Variants in ASIC2 observed in about 807,000 individuals in gnomAD.
ASIC2 encodes the protein acid-sensing ion channel 2.
A neutral mutation model predicts 57.3 loss-of-function variants in ASIC2; 25 were observed. The observed-to-expected ratio is 0.44, with a 90% CI of 0.32 to 0.61. The LOEUF is 0.61. Ranked by LOEUF, ASIC2 falls within the 20% of genes least tolerant of loss-of-function variation. The probability of loss-of-function intolerance (pLI) is 0.06; values close to 1 mark genes in which losing one functional copy is unlikely to be tolerated. For synonymous variants in ASIC2, 319 were observed against 307.5 expected, an observed-to-expected ratio of 1.04 and a Z score of -0.39; for missense variants, 641 against 738.1, an observed-to-expected ratio of 0.87 and a Z score of 1.52.
At chr17:33,199,234 A>G (rs1353177677) in intron 1 of ASIC2, among the ~76,000 whole-genome samples, 1 of 152,204 alleles carries the variant, frequency 6.6e-6, no homozygotes, top group Admixed American at 6.5e-5. Context: ...CTTCCTGCTA[A>G]TAAAATGAGC....
intron 1 of ASIC2, among the ~76,000 whole-genome samples, chr17:33,567,882 C>A (rs1916293648): frequency 6.6e-6 from 1 of 152,038 alleles, no homozygotes; most frequent in Non-Finnish European, 1.5e-5. Flanking sequence ...CTCTCCCCCA[C>A]TCTACATAGC....
chr17:33,498,257 A>T (rs905482086), intron 1 of ASIC2, among the ~76,000 whole-genome samples: 6 of 152,242 alleles, frequency 3.9e-5, no homozygotes. Context: ...CTGTTGAGCA[A>T]TAATCCAAAG....
chr17:33,118,019 G>A (rs2092287622), intron 1 of ASIC2, among the ~76,000 whole-genome samples: 1 of 152,122 alleles, frequency 6.6e-6, no homozygotes, highest in South Asian at 2.1e-4. Context: ...GGAAGCCCAG[G>A]GTAGCCAATG....
In ASIC2 at chr17:34,028,439, C is replaced by T. The variant is rs757686851; in HGVS notation, c.555+127539G>A. On this transcript the variant is annotated intron_variant, in intron 1 of 9. Transcript: ENST00000359872. ...ACTATATTAGTTGCTATGGTTGACA[C>T]AAACCTGAGCTCCACACTCAAATGA... 2.1e-4 allele frequency among the ~76,000 whole-genome samples: 32 copies of T among 152,176 alleles called. 1 individual carries two copies. The highest frequency in any genetic ancestry group is 1.5e-4 in the Non-Finnish European group (10 of 68,020).
chr17:33,287,806 T>C (rs115173813), intron 1 of ASIC2, among the ~76,000 whole-genome samples: 1,828 of 152,316 alleles, frequency 0.012, 36 homozygotes, highest in African/African-American at 0.041. Context: ...CCTGTTGCTC[T>C]AGTCCTCTTA....
intron 1 of ASIC2, among the ~76,000 whole-genome samples, chr17:33,410,527 T>C (rs1310213963): frequency 3.3e-5 from 5 of 152,162 alleles, no homozygotes; most frequent in Non-Finnish European, 7.4e-5. Flanking sequence ...TCAAGCCCCC[T>C]CGGTAAGCTG....
rs1436757649 is a variant in ASIC2 at position 33,138,249 on chromosome 17, C to CCCTTCCA, written c.709-26189_709-26183dup. ...AGGTGGGAGAGCCTATGTCAAATGT[C>CCCTTCCA]CCTTCCATGAGCCACTGCTTCAGGA... is the stretch of plus-strand genomic sequence containing the variant. On this transcript the variant is annotated intron_variant, in intron 1 of 9. Transcript: ENST00000225823. Among the ~76,000 whole-genome samples the CCCTTCCA allele has an allele frequency of 3.3e-5, 5 of 152,264 alleles. No individual in the cohort carries two copies. The East Asian group carries it at 9.7e-4, about 29-fold the overall frequency.
chr17:33,714,473 T>C (rs1441746063), intron 1 of ASIC2, among the ~76,000 whole-genome samples: 1 of 152,164 alleles, frequency 6.6e-6, no homozygotes, highest in Non-Finnish European at 1.5e-5. Context: ...TTGAAAACCA[T>C]GCTGAGTGAA....
In ASIC2 at chr17:33,898,757, G is replaced by A. The variant is rs779139795; in HGVS notation, c.555+257221C>T. Among the ~76,000 whole-genome samples the A allele has an allele frequency of 5.3e-5, 8 of 151,854 alleles. No homozygotes were observed. In the South Asian group the frequency reaches 8.3e-4, roughly 16 times the overall value. On this transcript the variant is annotated intron_variant, in intron 1 of 9. Transcript: ENST00000359872. ...ATATGTGACCACTTTGCATTCTTTC[G>A]TTGTCTTTCATGATCTTGGCAATTT...
chr17:33,180,253 A>G (rs915742447), intron 1 of ASIC2, among the ~76,000 whole-genome samples: 1 of 152,234 alleles, frequency 6.6e-6, no homozygotes, highest in African/African-American at 2.4e-5. Flanking sequence ...TGAGCATTCC[A>G]GTTGCATTCA....
At chr17:33,859,276 G>C (rs569591480) in intron 1 of ASIC2, among the ~76,000 whole-genome samples, 1 of 152,298 alleles carries the variant, frequency 6.6e-6, no homozygotes, top group South Asian at 2.1e-4. Context: ...AGAAGCTATA[G>C]CCTCAATTCC....
chr17:33,372,116 T>C (rs1909090716), intron 1 of ASIC2, among the ~76,000 whole-genome samples: 1 of 151,984 alleles, frequency 6.6e-6, no homozygotes, highest in Non-Finnish European at 1.5e-5. Context: ...CTAGATGAAA[T>C]GGCATAGGGG....
intron 1 of ASIC2, chr17:34,039,566 T>G: frequency 1.2e-6 from 2 of 1,613,956 alleles, no homozygotes; most frequent in Non-Finnish European, 1.7e-6. Flanking sequence ...GGTGGAACAC[T>G]TCTGCCAGGG....
At chr17:33,517,986 G>C (rs945874669) in intron 1 of ASIC2, among the ~76,000 whole-genome samples, 1 of 152,216 alleles carries the variant, frequency 6.6e-6, no homozygotes, top group Non-Finnish European at 1.5e-5. Context: ...TGCATGCTGG[G>C]AGCTGGCCTG....
chr17:34,011,121 T>TCTCTCTCTCTCACACACACACACACA (rs1906738171), intron 1 of ASIC2, among the ~76,000 whole-genome samples: 1 of 1,338 alleles, frequency 7.5e-4, no homozygotes, highest in Admixed American at 6.9e-3. Context: ...ATGCCTTGAG[T>TCTCTCTCTCTCACACACACACACACA]CAGACACAGG....
intron 1 of ASIC2, among the ~76,000 whole-genome samples, chr17:34,108,420 GTATAGTT>G (rs1161611426): frequency 1.6e-4 from 24 of 152,180 alleles, no homozygotes; most frequent in Admixed American, 1.3e-3. Flanking sequence ...GTTTATAAAT[GTATAGTT>G]TAATTTCAAA....
chr17:33,584,603 G>A (rs1191122023), intron 1 of ASIC2, among the ~76,000 whole-genome samples: 4 of 152,094 alleles, frequency 2.6e-5, no homozygotes, highest in Admixed American at 2.0e-4. Flanking sequence ...TGTACCTGGA[G>A]CAGCCAACCA....
At chr17:33,871,254 G>A (rs922813011) in intron 1 of ASIC2, among the ~76,000 whole-genome samples, 6 of 152,186 alleles carry the variant, frequency 3.9e-5, no homozygotes, top group African/African-American at 9.7e-5. Flanking sequence ...ATCACAGGGC[G>A]GAGGGAGAAT....
intron 1 of ASIC2, among the ~76,000 whole-genome samples, chr17:34,026,554 C>T (rs916526233): frequency 6.6e-6 from 1 of 152,194 alleles, no homozygotes; most frequent in Non-Finnish European, 1.5e-5. Context: ...TGTTTTTCTA[C>T]TCACTGCTAA....
Sources: allele counts gnomAD v4.1 joint callset (sites outside exome capture counted in the v4.1 genomes callset), GRCh38; gene constraint gnomAD v4.1.1; transcripts MANE v1.5; gene names NCBI Gene and HGNC (gene_info 2026-07-23, HGNC 2026-07-21).